Variants in FRMD4A observed in about 807,000 individuals in gnomAD.
FRMD4A encodes FERM domain-containing protein 4A.
A neutral mutation model predicts 129.1 loss-of-function variants in FRMD4A; 29 were observed. That is an observed-to-expected ratio of 0.22 (90% CI 0.17 to 0.31). FRMD4A has a LOEUF of 0.31. Among genes scored for constraint, FRMD4A ranks in the 10% least tolerant of loss-of-function variants. FRMD4A has a pLI of 1.00. For missense variants in FRMD4A, 1,272 were observed against 1,375.8 expected, an observed-to-expected ratio of 0.92 and a Z score of 1.19; for synonymous variants, 634 against 571.6, an observed-to-expected ratio of 1.11 and a Z score of -1.56.
intron 2 of FRMD4A, among the ~76,000 whole-genome samples, chr10:14,200,399 T>G (rs1273778710): frequency 7.2e-6 from 1 of 138,990 alleles, no homozygotes; most frequent in African/African-American, 2.5e-5. Context: ...GTTCAAGTGA[T>G]TCTCCCACCT....
At chr10:14,305,599 C>A (rs1846323385) in intron 2 of FRMD4A, among the ~76,000 whole-genome samples, 1 of 152,058 alleles carries the variant, frequency 6.6e-6, no homozygotes. Context: ...GTTTTCTATA[C>A]CTTCATAAAC....
chr10:13,798,400 T>C (rs1002266533), intron 4 of FRMD4A, among the ~76,000 whole-genome samples: 3 of 148,322 alleles, frequency 2.0e-5, no homozygotes, highest in Admixed American at 6.7e-5. Context: ...CGACAGAGAC[T>C]CTGTCTCAAG....
intron 2 of FRMD4A, among the ~76,000 whole-genome samples, chr10:14,289,582 C>T (rs953751834): frequency 6.6e-6 from 1 of 151,998 alleles, no homozygotes; most frequent in Non-Finnish European, 1.5e-5. Context: ...CTGTAGATTG[C>T]CTTTTTACAA....
At chr10:13,958,672 G>A (rs1389135332) in intron 2 of FRMD4A, among the ~76,000 whole-genome samples, 1 of 149,894 alleles carries the variant, frequency 6.7e-6, no homozygotes, top group Admixed American at 6.7e-5. Context: ...GGCAACCTCC[G>A]CCTCCCAGGT....
chr10:14,106,573 A>G (rs767062248), intron 2 of FRMD4A, among the ~76,000 whole-genome samples: 8 of 152,244 alleles, frequency 5.3e-5, no homozygotes, highest in Admixed American at 4.6e-4. Flanking sequence ...ACACAATCTC[A>G]TCAATTTCCT....
At chr10:14,189,313 C>T (rs1842245835) in intron 2 of FRMD4A, among the ~76,000 whole-genome samples, 1 of 152,156 alleles carries the variant, frequency 6.6e-6, no homozygotes, top group African/African-American at 2.4e-5. Flanking sequence ...GTTGCTCACG[C>T]CTGTAATCCC....
rs1564319427 is a variant in FRMD4A, at chr10:14,127,980, T to TTTCTTTCTC, written c.45+202077_45+202078insGAGAAAGAA. On this transcript the variant is annotated intron_variant, in intron 2 of 24. Coordinates refer to ENST00000357447, the MANE Select transcript of FRMD4A (RefSeq NM_018027.5). Reference sequence around the variant, plus strand: ...TTTCTTTCTTTCTTTCTTTCTTTCCTTCTCTCTCTCTCTCTCTCTCTTTCT... The same window carrying TTTCTTTCTC: ...TTTCTTTCTTTCTTTCTTTCTTTCCTTTCTTTCTCTCTCTCTCTCTCTCTCTCTCTTTCT... 1.3e-3 allele frequency among the ~76,000 whole-genome samples: 26 copies of TTTCTTTCTC among 19,364 alleles called. 1 individual carries two copies. The highest frequency in any genetic ancestry group is 2.5e-3 in the East Asian group (2 of 800). The allele number at this position is 19,364 out of a possible 152,430, so 12.7% of individuals were successfully genotyped here. A position where few individuals can be genotyped will look rare whatever the true frequency, so the allele number is the denominator to read the frequency against.
chr10:13,849,159 C>T (rs1371555863), intron 3 of FRMD4A, among the ~76,000 whole-genome samples: 1 of 152,190 alleles, frequency 6.6e-6, no homozygotes, highest in African/African-American at 2.4e-5. Context: ...CCCTTTGGCT[C>T]TTGTTTCAGG....
chr10:13,956,407 C>G lies in FRMD4A; in HGVS notation c.46-97495G>C, dbSNP rs999379451. On this transcript the variant is annotated intron_variant, in intron 2 of 24. Coordinates refer to ENST00000357447, the MANE Select transcript of FRMD4A (RefSeq NM_018027.5). ...CCTCAAGTGATCAGCCTGCCTTGGC[C>G]TCCCAAAGTGCTGGGATTACAGGCA... 1.4e-4 allele frequency among the ~76,000 whole-genome samples: 21 copies of G among 152,234 alleles called. 1 individual carries two copies.
At chr10:14,178,132 T>C (rs1312491038) in intron 2 of FRMD4A, among the ~76,000 whole-genome samples, 1 of 152,214 alleles carries the variant, frequency 6.6e-6, no homozygotes, top group East Asian at 1.9e-4. Flanking sequence ...CCACACAGCA[T>C]TCAGTTCAAT....
chr10:14,275,496 G>A (rs1035389476), intron 2 of FRMD4A, among the ~76,000 whole-genome samples: 4 of 152,190 alleles, frequency 2.6e-5, no homozygotes, highest in African/African-American at 9.7e-5. Context: ...TTAAGGCTAG[G>A]CACAAATGTT....
intron 2 of FRMD4A, among the ~76,000 whole-genome samples, chr10:14,030,869 G>C (rs1472327949): frequency 1.3e-5 from 2 of 152,072 alleles, no homozygotes; most frequent in African/African-American, 4.8e-5. Context: ...TGAGTACAAA[G>C]CCTCTATTCC....
At chr10:14,126,854 G>A (rs1269771796) in intron 2 of FRMD4A, among the ~76,000 whole-genome samples, 1 of 150,812 alleles carries the variant, frequency 6.6e-6, no homozygotes, top group Non-Finnish European at 1.5e-5. Flanking sequence ...GTGTACCAGA[G>A]GAGAATGAAT....
At chr10:14,049,209 C>G (rs1037367170) in intron 2 of FRMD4A, among the ~76,000 whole-genome samples, 1 of 151,718 alleles carries the variant, frequency 6.6e-6, no homozygotes, top group Non-Finnish European at 1.5e-5. Flanking sequence ...ATACCTTTTT[C>G]AGATAAAAAT....
chr10:14,008,168 G>GTGTGTGTGTT, intron 2 of FRMD4A: 3 of 926,428 alleles, frequency 3.2e-6, no homozygotes, highest in Non-Finnish European at 4.3e-6. Flanking sequence ...ACAGCTGTGT[G>GTGTGTGTGTT]TGTGTGTGTG....
At chr10:13,987,661 C>T (rs995530712) in intron 2 of FRMD4A, among the ~76,000 whole-genome samples, 1 of 152,132 alleles carries the variant, frequency 6.6e-6, no homozygotes, top group African/African-American at 2.4e-5. Context: ...AGTGACTCAT[C>T]CATGGGTCAT....
At chr10:13,859,012 C>G in intron 2 of FRMD4A, 100 bp from the exon 3 acceptor site, 1 of 768,434 alleles carries the variant, frequency 1.3e-6, no homozygotes, top group South Asian at 1.4e-5. Context: ...TTCCTCTGGG[C>G]AAAACTTCCT....
intron 2 of FRMD4A, among the ~76,000 whole-genome samples, chr10:13,991,139 G>A (rs1406312728): frequency 6.6e-6 from 1 of 152,126 alleles, no homozygotes; most frequent in Non-Finnish European, 1.5e-5. Flanking sequence ...GCAGCAAATC[G>A]TTCCCAGGAA....
At chr10:13,796,659 T>C (rs7079138) in intron 4 of FRMD4A, 71 bp from the exon 5 acceptor site, 85,835 of 786,922 alleles carry the variant, frequency 0.11, 6,024 homozygotes, top group Middle Eastern at 0.2. Flanking sequence ...TGAAGGTATA[T>C]ATGAAGCAGA....
Sources: allele counts gnomAD v4.1 joint callset (sites outside exome capture counted in the v4.1 genomes callset), GRCh38; gene constraint gnomAD v4.1.1; transcripts MANE v1.5; gene names NCBI Gene and HGNC (gene_info 2026-07-23, HGNC 2026-07-21).